The following STXBP5L variants were observed in gnomAD, a reference collection of about 807,000 sequenced individuals.
The protein encoded by STXBP5L is syntaxin binding protein 5L.
In STXBP5L, 65 loss-of-function variants were observed where a neutral mutation model predicts 144.5. The ratio of observed to expected loss-of-function variants is 0.45; its 90% CI spans 0.37 to 0.55. The LOEUF (loss-of-function observed/expected upper bound fraction) is 0.55. STXBP5L is among the 20% of genes least tolerant of loss of function. The pLI is 0.00. For missense variants in STXBP5L, 1,298 were observed against 1,405.5 expected, an observed-to-expected ratio of 0.92 and a Z score of 1.22; for synonymous variants, 505 against 469.6, an observed-to-expected ratio of 1.08 and a Z score of -0.97.
intron 3 of STXBP5L, among the ~76,000 whole-genome samples, chr3:121,034,685 T>G (rs145405002): frequency 6.6e-6 from 1 of 152,166 alleles, no homozygotes; most frequent in African/African-American, 2.4e-5. Context: ...AATAAACTTA[T>G]AAGTGGAATT....
intron 2 of STXBP5L, among the ~76,000 whole-genome samples, chr3:120,910,502 G>A (rs1341458151): frequency 6.6e-6 from 1 of 152,096 alleles, no homozygotes; most frequent in Admixed American, 6.5e-5. Context: ...GACATAAAGT[G>A]ATTTATAATT....
intron 19 of STXBP5L, among the ~76,000 whole-genome samples, chr3:121,305,192 A>C (rs560930073): frequency 6.6e-6 from 1 of 152,240 alleles, no homozygotes; most frequent in Non-Finnish European, 1.5e-5. Context: ...AACAAAGAAA[A>C]CTACAAGCCA....
At chr3:121,100,610 G>C (rs549189506) in intron 5 of STXBP5L, among the ~76,000 whole-genome samples, 127 of 152,180 alleles carry the variant, frequency 8.3e-4, no homozygotes, top group African/African-American at 2.8e-3. Context: ...TAAGAGGAAA[G>C]TTTATAGTAC....
At chr3:121,087,892 C>G (rs2042576577) in intron 5 of STXBP5L, among the ~76,000 whole-genome samples, 1 of 152,076 alleles carries the variant, frequency 6.6e-6, no homozygotes, top group East Asian at 1.9e-4. Context: ...TTACTGGAAT[C>G]TACTGCTGCT....
intron 19 of STXBP5L, among the ~76,000 whole-genome samples, chr3:121,313,810 G>A (rs1224090158): frequency 6.9e-6 from 1 of 145,098 alleles, no homozygotes; most frequent in Non-Finnish European, 1.5e-5. Context: ...TGGGGTGGTT[G>A]CCGGACGGAG....
intron 5 of STXBP5L, among the ~76,000 whole-genome samples, chr3:121,070,453 C>A (rs3845849): frequency 6.6e-6 from 1 of 151,990 alleles, no homozygotes; most frequent in African/African-American, 2.4e-5. Context: ...AGGGGGGTGT[C>A]ACACTTTGCA....
chr3:121,365,850 G>C (rs376812831), intron 20 of STXBP5L, among the ~76,000 whole-genome samples: 5 of 151,470 alleles, frequency 3.3e-5, no homozygotes, highest in African/African-American at 1.2e-4. Flanking sequence ...GAGTTGTAAA[G>C]TTAGGTTGTT....
At chr3:121,185,002 C>A (rs2047315858) in intron 9 of STXBP5L, among the ~76,000 whole-genome samples, 1 of 152,162 alleles carries the variant, frequency 6.6e-6, no homozygotes. Flanking sequence ...CCTTTACAGA[C>A]AAGCAAATGC....
chr3:121,189,029 G>A (rs1257826560), intron 9 of STXBP5L, among the ~76,000 whole-genome samples: 2 of 152,192 alleles, frequency 1.3e-5, no homozygotes, highest in Non-Finnish European at 2.9e-5. Context: ...GTCCCAGTTT[G>A]CAGATGACAT....
At position 121,109,675 on chromosome 3, in the gene STXBP5L, T is replaced by G. The variant is rs116154205; in HGVS notation, c.471-5250T>G. Among the ~76,000 whole-genome samples the G allele has an allele frequency of 2.8e-3, 424 of 152,342 alleles. 5 individuals are homozygous for G. Among genetic ancestry groups the G allele is most frequent in the African/African-American group, 9.8e-3 (407 of 41,576 alleles). On this transcript the variant is annotated intron_variant, in intron 5 of 26. Coordinates refer to ENST00000471454, the MANE Select transcript of STXBP5L (RefSeq NM_001308330.2). ...TTTTAGAGTAAGTCCCATGTGGTGC[T>G]GAAAATAATGTATATTCTGCTGTTT...
chr3:121,100,730 A>G (rs1400337719), intron 5 of STXBP5L, among the ~76,000 whole-genome samples: 1 of 152,096 alleles, frequency 6.6e-6, no homozygotes, highest in Non-Finnish European at 1.5e-5. Context: ...GCATCGGAAA[A>G]GAAAGAACTA....
intron 3 of STXBP5L, among the ~76,000 whole-genome samples, chr3:120,990,860 C>G (rs896268875): frequency 4.6e-5 from 7 of 152,212 alleles, no homozygotes; most frequent in African/African-American, 1.4e-4. Flanking sequence ...AATGTTAGAC[C>G]TAAAACCATA....
intron 3 of STXBP5L, among the ~76,000 whole-genome samples, chr3:121,011,419 A>C (rs1202917849): frequency 2.6e-5 from 4 of 151,556 alleles, no homozygotes; most frequent in Non-Finnish European, 2.9e-5. Context: ...TCCCAATTTG[A>C]GCATTCTGAG....
chr3:120,916,226 A>G (rs1350151350), intron 2 of STXBP5L, among the ~76,000 whole-genome samples: 2 of 152,202 alleles, frequency 1.3e-5, no homozygotes, highest in East Asian at 1.9e-4. Flanking sequence ...ATGATGCTAT[A>G]TAATCAATAT....
At chr3:121,099,379 A>G in intron 5 of STXBP5L, 1 of 152,188 alleles carries the variant, frequency 6.6e-6, no homozygotes, top group African/African-American at 2.4e-5. Context: ...ACACAGCCTG[A>G]TCTCTTGGTT....
intron 3 of STXBP5L, among the ~76,000 whole-genome samples, chr3:120,990,571 C>T (rs190177747): frequency 0.014 from 2,065 of 152,182 alleles, 27 homozygotes; most frequent in Non-Finnish European, 0.021. Context: ...TACAAGGCTA[C>T]AGTAACCAAA....
chr3:121,400,998 C>T (rs1375687872), intron 22 of STXBP5L, among the ~76,000 whole-genome samples: 1 of 151,980 alleles, frequency 6.6e-6, no homozygotes, highest in African/African-American at 2.4e-5. Context: ...TAATTTGCAA[C>T]CTTCAATGGT....
chr3:121,146,987 C>T (rs551464374), intron 7 of STXBP5L, among the ~76,000 whole-genome samples: 1 of 152,094 alleles, frequency 6.6e-6, no homozygotes, highest in Admixed American at 6.6e-5. Context: ...ATGAAAAATA[C>T]TCAAATCTAC....
At chr3:121,236,948 A>T (rs564360612) in intron 12 of STXBP5L, among the ~76,000 whole-genome samples, 35 of 152,354 alleles carry the variant, frequency 2.3e-4, no homozygotes, top group African/African-American at 8.4e-4. Context: ...CAGAGTAGAC[A>T]TTAAATCTTA....
Sources: allele counts gnomAD v4.1 joint callset (sites outside exome capture counted in the v4.1 genomes callset), GRCh38; gene constraint gnomAD v4.1.1; transcripts MANE v1.5; gene names NCBI Gene and HGNC (gene_info 2026-07-23, HGNC 2026-07-21).